The following CCDC102B variants were observed in gnomAD, a reference collection of about 807,000 sequenced individuals.
CCDC102B encodes the protein coiled-coil domain-containing protein 102B.
Under a neutral mutation model 57.4 loss-of-function variants are expected in CCDC102B, and 75 were observed. The ratio of observed to expected loss-of-function variants is 1.31; its 90% CI spans 1.08 to 1.58. The LOEUF (loss-of-function observed/expected upper bound fraction) is 1.58, where lower values mean the gene tolerates loss of function less well. CCDC102B is among the 40% of genes most tolerant of loss of function. The pLI is 0.00. For synonymous variants in CCDC102B, 206 were observed against 201.9 expected, an observed-to-expected ratio of 1.02 and a Z score of -0.17; for missense variants, 636 against 582.6, an observed-to-expected ratio of 1.09 and a Z score of -0.94.
intron 5 of CCDC102B, among the ~76,000 whole-genome samples, chr18:68,886,384 A>C (rs1238328415): frequency 6.6e-6 from 1 of 151,986 alleles, no homozygotes; most frequent in Non-Finnish European, 1.5e-5. Flanking sequence ...ATGAAAAAAA[A>C]ATTTTCAGTA....
chr18:68,998,133 G>C (rs1313572681), intron 6 of CCDC102B, among the ~76,000 whole-genome samples: 1 of 151,962 alleles, frequency 6.6e-6, no homozygotes, highest in African/African-American at 2.4e-5. Flanking sequence ...CTCCATGTCA[G>C]TGTTTGCCAT....
At chr18:68,872,454 T>C (rs1184868702) in intron 4 of CCDC102B, among the ~76,000 whole-genome samples, 6 of 152,202 alleles carry the variant, frequency 3.9e-5, no homozygotes, top group Admixed American at 3.9e-4. Flanking sequence ...GAGGATTATA[T>C]TTTATTATTT....
downstream of CCDC102B, among the ~76,000 whole-genome samples, chr18:69,056,050 G>A (rs1221067273): frequency 2.6e-5 from 4 of 151,992 alleles, no homozygotes; most frequent in African/African-American, 4.8e-5. Context: ...ATATTAACTC[G>A]TTTAATCTTC....
chr18:68,734,505 G>A (rs1353114592), intron 2 of CCDC102B, among the ~76,000 whole-genome samples: 4 of 152,168 alleles, frequency 2.6e-5, no homozygotes, highest in Admixed American at 1.3e-4. Context: ...AATTTTATGC[G>A]TCGTGTGTAT....
chr18:68,793,486 T>C (rs1180361699), upstream of CCDC102B, among the ~76,000 whole-genome samples: 1 of 152,172 alleles, frequency 6.6e-6, no homozygotes, highest in Non-Finnish European at 1.5e-5. Flanking sequence ...AAAATCACTA[T>C]ATACTTATTC....
At chr18:68,813,387 G>A (rs565833584) in intron 1 of CCDC102B, among the ~76,000 whole-genome samples, 1 of 151,918 alleles carries the variant, frequency 6.6e-6, no homozygotes, top group Non-Finnish European at 1.5e-5. Context: ...AATACAGGAG[G>A]CCAGAGAGAT....
chr18:68,721,020 AC>A (rs2145184700), intron 2 of CCDC102B: 1 of 152,410 alleles, frequency 6.6e-6, no homozygotes, highest in Admixed American at 6.5e-5. Context: ...GCTACAGTGA[AC>A]TATGGTCACA....
Position 68,790,126 on chromosome 18 carries a change from C to G in CCDC102B, c.-66-33240C>G, listed in dbSNP as rs1385488107. 2.0e-5 allele frequency among the ~76,000 whole-genome samples: 3 copies of G among 150,006 alleles called. No homozygotes were observed. In the East Asian group the frequency reaches 5.9e-4, roughly 29 times the overall value. On this transcript the variant is annotated intron_variant, in intron 2 of 3. Transcript: ENST00000578970. Reference sequence around the variant, plus strand: ...AGTCTGCCCCTGCTGGGGGGTGCCTCCCAGTTAGGCTGCTCAGGGGTCAGG... The same window carrying G: ...AGTCTGCCCCTGCTGGGGGGTGCCTGCCAGTTAGGCTGCTCAGGGGTCAGG...
chr18:68,793,282 G>A (rs1441073982), upstream of CCDC102B, among the ~76,000 whole-genome samples: 2 of 152,088 alleles, frequency 1.3e-5, no homozygotes, highest in African/African-American at 4.8e-5. Flanking sequence ...TAAAATTGTA[G>A]CCATTAAGAT....
In CCDC102B at chr18:68,775,284, A is replaced by G. The variant is rs189955798; in HGVS notation, c.-66-48082A>G. On this transcript the variant is annotated intron_variant, in intron 2 of 3. Coordinates refer to the CCDC102B transcript ENST00000578970. ...TTGTTATATATTTTTTAAAGTGGCA[A>G]TATTGCTACATGAAAAGTAAAGGTA... is the stretch of plus-strand genomic sequence containing the variant. 6.4e-4 allele frequency among the ~76,000 whole-genome samples: 97 copies of G among 152,220 alleles called. 2 individuals carry two copies. The highest frequency in any genetic ancestry group is 1.1e-3 in the Non-Finnish European group (76 of 67,982).
At chr18:68,754,632 A>G (rs1415958682) in intron 2 of CCDC102B, 5 of 152,188 alleles carry the variant, frequency 3.3e-5, no homozygotes, top group African/African-American at 1.2e-4. Context: ...GTCTCTATTG[A>G]AAACAAAAGA....
chr18:68,995,573 G>A (rs1388604545), intron 6 of CCDC102B, among the ~76,000 whole-genome samples: 1 of 152,116 alleles, frequency 6.6e-6, no homozygotes, highest in Non-Finnish European at 1.5e-5. Flanking sequence ...CTTCCACATG[G>A]TGTTCGGCCT....
At chr18:68,896,675 T>C (rs145382903) in intron 5 of CCDC102B, among the ~76,000 whole-genome samples, 2 of 151,990 alleles carry the variant, frequency 1.3e-5, no homozygotes, top group African/African-American at 4.8e-5. Flanking sequence ...AATTTTAAAA[T>C]ATAAAATGAT....
chr18:68,741,150 G>A lies in CCDC102B; in HGVS notation c.-67+24556G>A, dbSNP rs557844898. Among the ~76,000 whole-genome samples, 7 of 152,324 alleles carry A rather than the reference G, an allele frequency of 4.6e-5. No homozygotes were observed. In the South Asian group the frequency reaches 1.0e-3, roughly 23 times the overall value. On this transcript the variant is annotated intron_variant, in intron 2 of 3. Transcript: ENST00000578970. ...CTCTGTGACTCACAGCGCAAATAGT[G>A]TTAACTTTGGCCAGTGATTGGAGCT...
intron 7 of CCDC102B, among the ~76,000 whole-genome samples, chr18:69,038,738 A>G (rs985600763): frequency 2.0e-5 from 3 of 151,898 alleles, no homozygotes; most frequent in African/African-American, 7.2e-5. Flanking sequence ...CATATTCTAT[A>G]TATTTATTAA....
At chr18:68,765,336 A>G (rs200343809) in intron 2 of CCDC102B, among the ~76,000 whole-genome samples, 1 of 106,932 alleles carries the variant, frequency 9.4e-6, no homozygotes, top group African/African-American at 3.4e-5. Flanking sequence ...AAAGAAAGAA[A>G]GAAAGAAAGA....
chr18:69,045,121 A>G (rs1234314079), intron 7 of CCDC102B, among the ~76,000 whole-genome samples: 1 of 151,882 alleles, frequency 6.6e-6, no homozygotes, highest in Non-Finnish European at 1.5e-5. Flanking sequence ...TTCTTACTCT[A>G]CTTCCAGGTA....
At chr18:68,751,533 T>C (rs2145246724) in intron 2 of CCDC102B, among the ~76,000 whole-genome samples, 1 of 152,138 alleles carries the variant, frequency 6.6e-6, no homozygotes, top group Middle Eastern at 3.4e-3. Flanking sequence ...AAAAAGGACA[T>C]TTGTTTACAG....
intron 6 of CCDC102B, among the ~76,000 whole-genome samples, chr18:68,967,988 A>C (rs1399991451): frequency 6.6e-6 from 1 of 152,196 alleles, no homozygotes; most frequent in Non-Finnish European, 1.5e-5. Flanking sequence ...TCCTACAAAA[A>C]TGTCAAAATT....
Sources: allele counts gnomAD v4.1 joint callset (sites outside exome capture counted in the v4.1 genomes callset), GRCh38; gene constraint gnomAD v4.1.1; transcripts MANE v1.5; gene names NCBI Gene and HGNC (gene_info 2026-07-23, HGNC 2026-07-21).